KHDRBS2: variants seen among roughly 807,000 people sequenced by gnomAD.
KHDRBS2 encodes KH RNA binding domain containing, signal transduction associated 2, also known as KH domain-containing, RNA-binding, signal transduction-associated protein 2.
Under a neutral mutation model 44.3 loss-of-function variants are expected in KHDRBS2, and 26 were observed. The observed-to-expected ratio is 0.59, with a 90% CI of 0.43 to 0.81. The LOEUF is 0.81. Among genes scored for constraint, KHDRBS2 ranks in the 40% least tolerant of loss-of-function variants. KHDRBS2 has a pLI of 0.00. For synonymous variants in KHDRBS2, 194 were observed against 151.1 expected, an observed-to-expected ratio of 1.28 and a Z score of -2.08; for missense variants, 476 against 433.1, an observed-to-expected ratio of 1.10 and a Z score of -0.88.
chr6:62,187,035 A>G (rs1823580610), intron 1 of KHDRBS2, among the ~76,000 whole-genome samples: 1 of 152,150 alleles, frequency 6.6e-6, no homozygotes, highest in Non-Finnish European at 1.5e-5. Context: ...ACATAAGAAA[A>G]GTAGCAGATC....
chr6:61,597,773 T>TCC, the KHDRBS2 span, among the ~76,000 whole-genome samples: 1 of 42,330 alleles, frequency 2.4e-5, no homozygotes, highest in South Asian at 6.2e-4. Flanking sequence ...TATATATATA[T>TCC]ACACCAAGAT....
chr6:61,729,665 G>A (rs1349814345), intron 7 of KHDRBS2, among the ~76,000 whole-genome samples: 1 of 152,016 alleles, frequency 6.6e-6, no homozygotes. Flanking sequence ...TCTAATTGTG[G>A]TTTTAATTTC....
intron 1 of KHDRBS2, among the ~76,000 whole-genome samples, chr6:62,263,692 T>C (rs983138054): frequency 5.9e-5 from 9 of 151,800 alleles, no homozygotes; most frequent in Admixed American, 3.9e-4. Context: ...ATGAAGTTAC[T>C]TTAAATACTA....
chr6:62,029,805 G>C (rs1784018620), intron 3 of KHDRBS2, among the ~76,000 whole-genome samples: 1 of 151,846 alleles, frequency 6.6e-6, no homozygotes, highest in Non-Finnish European at 1.5e-5. Context: ...GACATTCAAT[G>C]GATGGATTTT....
At chr6:61,571,126 G>A in the KHDRBS2 span, among the ~76,000 whole-genome samples, 3 of 151,914 alleles carry the variant, frequency 2.0e-5, no homozygotes, top group African/African-American at 4.8e-5. Context: ...ATACAGAATG[G>A]CAGAATAGAT....
chr6:62,285,990 C>G lies in KHDRBS2; in HGVS notation c.-42G>C, dbSNP rs539037820. 31 of 1,293,624 alleles carry G rather than the reference C, an allele frequency of 2.4e-5. No homozygotes were observed. The highest frequency in any genetic ancestry group is 3.1e-5 in the Non-Finnish European group (28 of 898,600). The allele number at this position is 1,293,624 out of a possible 1,614,324, so 80.1% of individuals were successfully genotyped here. A position where few individuals can be genotyped will look rare whatever the true frequency, so the allele number is the denominator to read the frequency against. ...TGTCCCCGGGCGAAGCGCGAGGTTC[C>G]GCTCGCTCGGACGCAGGCAGGGTCT... On this transcript the variant is annotated 5_prime_UTR_variant, in exon 1 of 9. Coordinates refer to ENST00000281156, the MANE Select transcript of KHDRBS2 (RefSeq NM_152688.4).
chr6:61,941,806 T>G (rs1812181776), intron 4 of KHDRBS2, among the ~76,000 whole-genome samples: 1 of 152,072 alleles, frequency 6.6e-6, no homozygotes, highest in African/African-American at 2.4e-5. Flanking sequence ...AAGAAGCAAC[T>G]GTTACACCAG....
rs184202952 is a variant in KHDRBS2, at chr6:61,728,641, G to T, written c.893+4041C>A. Among the ~76,000 whole-genome samples the T allele has an allele frequency of 1.4e-4, 22 of 152,216 alleles. No homozygotes were observed. The East Asian group carries it at 4.1e-3, about 28-fold the overall frequency. ...CATTCATTTATTAACATAGATAGAT[G>T]TTCTTATGTGCTGGAGAGTTAAACT... On this transcript the variant is annotated intron_variant, in intron 7 of 8. Coordinates refer to ENST00000281156, the MANE Select transcript of KHDRBS2 (RefSeq NM_152688.4).
chr6:61,956,258 A>G (rs530629759), intron 4 of KHDRBS2, among the ~76,000 whole-genome samples: 14 of 152,152 alleles, frequency 9.2e-5, no homozygotes, highest in Non-Finnish European at 2.1e-4. Context: ...CAGTATATGT[A>G]ATTATTTTCC....
the KHDRBS2 span, among the ~76,000 whole-genome samples, chr6:61,634,283 G>A: frequency 2.0e-5 from 3 of 150,092 alleles, no homozygotes; most frequent in African/African-American, 7.3e-5. Flanking sequence ...AAAAAAAGTT[G>A]GAAATGGCTT....
intron 6 of KHDRBS2, among the ~76,000 whole-genome samples, chr6:61,804,296 C>T (rs1321687116): frequency 5.9e-5 from 9 of 152,152 alleles, no homozygotes; most frequent in East Asian, 1.9e-4. Flanking sequence ...ATCCAGATCA[C>T]GATGATGCAA....
At chr6:62,204,527 A>C (rs1402498030) in intron 1 of KHDRBS2, among the ~76,000 whole-genome samples, 1 of 152,164 alleles carries the variant, frequency 6.6e-6, no homozygotes, top group African/African-American at 2.4e-5. Flanking sequence ...AAAATGTTTC[A>C]GTGAGCGTTC....
chr6:62,130,504 G>A (rs1391357468), intron 2 of KHDRBS2, among the ~76,000 whole-genome samples: 2 of 152,040 alleles, frequency 1.3e-5, no homozygotes, highest in Non-Finnish European at 2.9e-5. Flanking sequence ...AACTAATAGG[G>A]AAGATAACAA....
chr6:61,963,240 A>G (rs1192457), intron 4 of KHDRBS2, among the ~76,000 whole-genome samples: 112,856 of 151,946 alleles, frequency 0.74, 42,239 homozygotes, highest in African/African-American at 0.84. Context: ...ATGGTATTTA[A>G]TGATATGGAA....
intron 6 of KHDRBS2, among the ~76,000 whole-genome samples, chr6:61,776,905 T>C (rs144385127): frequency 3.9e-5 from 6 of 151,998 alleles, no homozygotes; most frequent in Admixed American, 1.3e-4. Flanking sequence ...CCAACAACGA[T>C]AGAATGGATG....
At chr6:61,694,607 A>T (rs1480380001) in intron 8 of KHDRBS2, among the ~76,000 whole-genome samples, 1 of 152,330 alleles carries the variant, frequency 6.6e-6, no homozygotes. Flanking sequence ...GAACTCAAAG[A>T]GTGCTGCAGG....
intron 6 of KHDRBS2, among the ~76,000 whole-genome samples, chr6:61,753,195 C>G (rs564414377): frequency 1.3e-5 from 2 of 152,252 alleles, no homozygotes; most frequent in East Asian, 3.9e-4. Flanking sequence ...TCCTCATTCT[C>G]CATGTATCAT....
chr6:61,822,886 C>T (rs1159776956), intron 6 of KHDRBS2, among the ~76,000 whole-genome samples: 1 of 152,020 alleles, frequency 6.6e-6, no homozygotes, highest in Non-Finnish European at 1.5e-5. Context: ...CATATTATTT[C>T]TACTACAATC....
At chr6:61,546,118 T>C in the KHDRBS2 span, among the ~76,000 whole-genome samples, 1 of 152,070 alleles carries the variant, frequency 6.6e-6, no homozygotes. Flanking sequence ...AAAATCTTTA[T>C]CTAGTATTTC....
Sources: gnomAD v4.1 joint callset for allele counts (sites outside exome capture counted in the v4.1 genomes callset) on GRCh38, gnomAD v4.1.1 for gene constraint, MANE v1.5 for transcripts, NCBI Gene and HGNC (gene_info 2026-07-23, HGNC 2026-07-21) for gene names.